MYO7B: variants seen among roughly 807,000 people sequenced by gnomAD.
MYO7B encodes unconventional myosin-VIIb.
MYO7B carries 212 observed loss-of-function variants against 259.7 expected under a neutral mutation model. The observed-to-expected ratio is 0.82, with a 90% CI of 0.73 to 0.91. The LOEUF (loss-of-function observed/expected upper bound fraction) is 0.91. Among genes scored for constraint, MYO7B ranks in the 40% least tolerant of loss-of-function variants. The pLI is 0.00. For synonymous variants in MYO7B, 1,197 were observed against 1,166.4 expected, an observed-to-expected ratio of 1.03 and a Z score of -0.54; for missense variants, 2,732 against 2,813.5, an observed-to-expected ratio of 0.97 and a Z score of 0.66.
rs750681974 is a variant in MYO7B at position 127,627,974 on chromosome 2, G to A, written c.4461-398G>A. 2.6e-5 allele frequency: 12 copies of A among 467,998 alleles called. No homozygotes were observed. Among genetic ancestry groups the A allele is most frequent in the Non-Finnish European group, 4.3e-5 (10 of 235,132 alleles). 29.0% of individuals were successfully genotyped at this position (467,998 alleles called of 1,614,324 possible). On this transcript the variant is annotated intron_variant, in intron 33 of 47. Coordinates refer to ENST00000409816, the MANE Select transcript of MYO7B (RefSeq NM_001393586.1). This position sits in a 1 kb window ranked among gnomAD's most constrained non-coding sequence, Gnocchi z 5.6. ...ACTTTCCTGTATGCCACGAAGTACCGACAGCATCACCCATTCTGCAGATGA... is the reference window on the plus strand; with the variant it reads ...ACTTTCCTGTATGCCACGAAGTACCAACAGCATCACCCATTCTGCAGATGA...
In MYO7B at chr2:127,630,922, C is replaced by T. The variant is rs1389803167; in HGVS notation, c.4937+14C>T. The stretch of plus-strand genomic sequence containing the variant: ...TGAGTTCTTCAGGTGCCCCCCAGCC[C>T]CGCTCCGCCTCATTGCACCCCCACC... On this transcript the variant is annotated intron_variant, in intron 36 of 47. Coordinates refer to ENST00000409816, the MANE Select transcript of MYO7B (RefSeq NM_001393586.1). 1 of 1,553,184 alleles carries T rather than the reference C, an allele frequency of 6.4e-7. No homozygotes were observed. Among genetic ancestry groups the T allele is most frequent in the South Asian group, 1.2e-5 (1 of 84,628 alleles).
intron 19 of MYO7B, among the ~76,000 whole-genome samples, chr2:127,600,140 TAG>T (rs1294532237): frequency 6.6e-6 from 1 of 152,196 alleles, no homozygotes; most frequent in Non-Finnish European, 1.5e-5. Flanking sequence ...AATTTTTTTA[TAG>T]AGAGTTTTTA....
chr2:127,588,324 CTCTTCT>C (rs964890976), intron 14 of MYO7B, 62 bp from the exon 15 acceptor site: 15 of 1,565,130 alleles, frequency 9.6e-6, no homozygotes, highest in Non-Finnish European at 1.3e-5. Flanking sequence ...CCACACTGCC[CTCTTCT>C]TCCCCATGGG....
chr2:127,549,613 G>A (rs1160710172), intron 1 of MYO7B, among the ~76,000 whole-genome samples: 1 of 152,214 alleles, frequency 6.6e-6, no homozygotes, highest in Admixed American at 6.5e-5. Context: ...GAATGCAGGG[G>A]CAGAAGCAGG....
intron 37 of MYO7B, 100 bp downstream of exon 37, chr2:127,631,463 A>G (rs1329778522): frequency 8.4e-6 from 13 of 1,543,112 alleles, no homozygotes; most frequent in Non-Finnish European, 1.1e-5. Context: ...AGGAGAGCCC[A>G]GGAGATCTGA....
At position 127,634,585 on chromosome 2, in the gene MYO7B, C is replaced by A. The variant is rs1395502742; in HGVS notation, c.5626-11C>A. On this transcript the variant is annotated splice_polypyrimidine_tract_variant and intron_variant, in intron 41 of 47. Transcript: ENST00000409816. ...AGCCACCCAACTTCCCTGTACCTTC[C>A]CCTTCCCCAGGTCATCAGCCAGAAG... The A allele has an allele frequency of 6.2e-7, 1 of 1,608,034 alleles. No homozygotes were observed. Among genetic ancestry groups the A allele is most frequent in the East Asian group, 2.2e-5 (1 of 44,754 alleles).
At chr2:127,542,624 G>A (rs1693049837) in intron 1 of MYO7B, among the ~76,000 whole-genome samples, 1 of 152,226 alleles carries the variant, frequency 6.6e-6, no homozygotes, top group African/African-American at 2.4e-5. Context: ...TCGTCAGGTG[G>A]AATGAGAGAC....
chr2:127,629,783 T>C lies in MYO7B; in HGVS notation c.4763T>C (p.Leu1588Pro). Residue 1588 changes from leucine (L) to proline (P), a missense_variant, in exon 35 of 48, where the codon CTC (leucine) becomes CCC (proline). Transcript: ENST00000409816. The stretch of plus-strand genomic sequence containing the variant: ...ACGGGGCTGGTGCCCATGGCCTGCC[T>C]CTACACCATCCCCACGGTCACTAAG... The part of the protein sequence containing the change: ...GKTGLVPMAC[L>P]YTIPTVTKPS... 1 of 1,599,672 alleles carries C rather than the reference T, an allele frequency of 6.3e-7. No individual in the cohort carries two copies. The highest frequency in any genetic ancestry group is 8.5e-7 in the Non-Finnish European group (1 of 1,172,172).
chr2:127,575,510 A>G (rs1678829972), intron 7 of MYO7B, among the ~76,000 whole-genome samples: 1 of 152,186 alleles, frequency 6.6e-6, no homozygotes, highest in South Asian at 2.1e-4. Context: ...AGGATCACCA[A>G]GAGATATGTT....
chr2:127,547,973 G>A (rs1693300019), intron 1 of MYO7B, among the ~76,000 whole-genome samples: 1 of 152,170 alleles, frequency 6.6e-6, no homozygotes, highest in Non-Finnish European at 1.5e-5. Flanking sequence ...TTGAAAGGTT[G>A]CCAATCATTG....
In MYO7B at chr2:127,611,676, T is replaced by C. The variant is rs1680392689; in HGVS notation, c.3193-574T>C. ...CTCAGTCCCACACTGAGCTCCAATT[T>C]TGGCAGCAAATTCTTCTCATGACGC... On this transcript the variant is annotated intron_variant, in intron 24 of 47. Transcript: ENST00000409816. The surrounding 1 kb of genome is among the most constrained non-coding windows in gnomAD (Gnocchi z 5.4). Among the ~76,000 whole-genome samples the C allele has an allele frequency of 6.6e-6, 1 of 152,008 alleles. No homozygotes were observed. The highest frequency in any genetic ancestry group is 1.5e-5 in the Non-Finnish European group (1 of 67,980).
At chr2:127,541,695 A>T (rs1693010526) in intron 1 of MYO7B, among the ~76,000 whole-genome samples, 1 of 152,204 alleles carries the variant, frequency 6.6e-6, no homozygotes, top group Non-Finnish European at 1.5e-5. Flanking sequence ...TCATCTTGTG[A>T]TGTTGCAGAG....
rs1268169307 is a variant in MYO7B at position 127,585,215 on chromosome 2, G to A, written c.1690+302G>A. Among the ~76,000 whole-genome samples, 1 of 151,772 alleles carries A rather than the reference G, an allele frequency of 6.6e-6. No individual in the cohort carries two copies. The highest frequency in any genetic ancestry group is 1.9e-4 in the East Asian group (1 of 5,192). On this transcript the variant is annotated intron_variant, in intron 14 of 47. Transcript: ENST00000409816. The surrounding 1 kb of genome is among the most constrained non-coding windows in gnomAD (Gnocchi z 4.3). ...ATTGCCACAATTTTAGAACTTTTTCGCCACCCCTAAAAGAAACCCCTCATG... is the reference window on the plus strand; with the variant it reads ...ATTGCCACAATTTTAGAACTTTTTCACCACCCCTAAAAGAAACCCCTCATG...
intron 1 of MYO7B, among the ~76,000 whole-genome samples, chr2:127,555,424 T>C (rs1259615431): frequency 2.0e-5 from 3 of 152,220 alleles, no homozygotes; most frequent in African/African-American, 7.2e-5. Flanking sequence ...ATTTCCTTTC[T>C]TCTGCTGGGT....
At chr2:127,550,057 G>A (rs1693389069) in intron 1 of MYO7B, among the ~76,000 whole-genome samples, 3 of 152,162 alleles carry the variant, frequency 2.0e-5, no homozygotes, top group Non-Finnish European at 4.4e-5. Flanking sequence ...CATTAGAGAA[G>A]AAAACCAACC....
intron 38 of MYO7B, among the ~76,000 whole-genome samples, 170 bp downstream of exon 38, chr2:127,631,923 T>C (rs1681535505): frequency 6.6e-6 from 1 of 152,328 alleles, no homozygotes; most frequent in East Asian, 1.9e-4. Flanking sequence ...TCTGCTGATG[T>C]CCTAGGGGTG....
intron 1 of MYO7B, among the ~76,000 whole-genome samples, chr2:127,543,857 G>T (rs1573602965): frequency 6.6e-6 from 1 of 151,606 alleles, no homozygotes; most frequent in Admixed American, 6.6e-5. Context: ...CCATTCTCCT[G>T]CCTCAGCCTC....
At chr2:127,554,766 T>G (rs1178569195) in intron 1 of MYO7B, among the ~76,000 whole-genome samples, 1 of 152,150 alleles carries the variant, frequency 6.6e-6, no homozygotes, top group East Asian at 1.9e-4. Flanking sequence ...TGCTGCTTAT[T>G]ATTGGTCTGT....
intron 31 of MYO7B, chr2:127,625,919 G>C (rs1681085567): frequency 4.8e-6 from 1 of 208,666 alleles, no homozygotes; most frequent in South Asian, 1.8e-4. Context: ...CCCCTCGCTG[G>C]GTGCATGGGA....
Sources: gnomAD v4.1 joint callset for allele counts (sites outside exome capture counted in the v4.1 genomes callset) on GRCh38, gnomAD v4.1.1 for gene constraint, Gnocchi (gnomAD v3.1) non-coding constraint, MANE v1.5 for transcripts, NCBI Gene and HGNC (gene_info 2026-07-23, HGNC 2026-07-21) for gene names.